NME9: variants seen among roughly 807,000 people sequenced by gnomAD.
NME9 encodes the protein NME/NM23 family member 9, also known as thioredoxin domain-containing protein 6.
A neutral mutation model predicts 44.4 loss-of-function variants in NME9; 48 were observed. The observed-to-expected ratio is 1.08, with a 90% confidence interval of 0.86 to 1.37. The LOEUF (loss-of-function observed/expected upper bound fraction) is 1.37, where lower values mean the gene tolerates loss of function less well. NME9 is among the 40% of genes most tolerant of loss of function. The pLI, the probability that NME9 is intolerant of heterozygous loss-of-function variation, is 0.00. For missense variants in NME9, 325 were observed against 405.2 expected (o/e 0.80, Z 1.70); for synonymous variants, 139 against 147.1 (o/e 0.94, Z 0.40).
At chr3:138,278,120 T>C (rs2049486828) in intron 8 of NME9, among the ~76,000 whole-genome samples, 1 of 152,172 alleles carries the variant, frequency 6.6e-6, no homozygotes, top group Admixed American at 6.5e-5. Flanking sequence ...AGGATTTGAC[T>C]ATAAAGGGAT....
chr3:138,296,779 G>A (rs2051527381), downstream of NME9: 1 of 152,210 alleles, frequency 6.6e-6, no homozygotes, highest in Non-Finnish European at 1.5e-5. Flanking sequence ...TATAACTACT[G>A]ATAGTGAAAG....
At chr3:138,264,137 G>A (rs1265650771) in intron 8 of NME9, 2 of 1,612,928 alleles carry the variant, frequency 1.2e-6, no homozygotes, top group Admixed American at 1.7e-5. Context: ...GTAGATGTTT[G>A]CACAGTTTAT....
chr3:138,263,395 C>T (rs1560009590), intron 8 of NME9: 6 of 236,514 alleles, frequency 2.5e-5, no homozygotes, highest in Non-Finnish European at 3.3e-5. Context: ...TGGAAGGAAC[C>T]TGCCCAATGA....
chr3:138,306,391 C>G lies in NME9; in HGVS notation c.543+7G>C. The G allele has an allele frequency of 1.2e-6, 2 of 1,602,406 alleles. No individual in the cohort carries two copies. Among genetic ancestry groups the G allele is most frequent in the Non-Finnish European group, 8.6e-7 (1 of 1,169,270 alleles). ...CAGTGGTGCATGGTAAGTGTTGTCT[C>G]TCTTACCTTCATGATAATCTCATCA... On this transcript the variant is annotated splice_region_variant and intron_variant, in intron 7 of 10. Coordinates refer to ENST00000333911, the MANE Select transcript of NME9 (RefSeq NM_001349018.2).
At chr3:138,328,686 A>C (rs2053943425) in intron 1 of NME9, among the ~76,000 whole-genome samples, 6 of 152,196 alleles carry the variant, frequency 3.9e-5, no homozygotes, top group Admixed American at 3.9e-4. Context: ...ATCACTTCAG[A>C]ATCAACCACT....
At chr3:138,316,177 C>T (rs923528408) in intron 4 of NME9, among the ~76,000 whole-genome samples, 1 of 152,126 alleles carries the variant, frequency 6.6e-6, no homozygotes, top group African/African-American at 2.4e-5. Flanking sequence ...TGATATCTAC[C>T]TTCTAGGCCA....
chr3:138,291,215 A>C (rs2050913083), intron 8 of NME9, among the ~76,000 whole-genome samples: 1 of 152,216 alleles, frequency 6.6e-6, no homozygotes, highest in Non-Finnish European at 1.5e-5. Context: ...ATAACAAATC[A>C]GGGAACATCA....
At chr3:138,325,902 G>T (rs1447987943) in intron 1 of NME9, among the ~76,000 whole-genome samples, 1 of 151,052 alleles carries the variant, frequency 6.6e-6, no homozygotes, top group Non-Finnish European at 1.5e-5. Context: ...ATCAAAATCA[G>T]GGGAAAAAAA....
At chr3:138,320,324 T>C (rs1290671399) in intron 2 of NME9, among the ~76,000 whole-genome samples, 3 of 152,112 alleles carry the variant, frequency 2.0e-5, no homozygotes, top group Non-Finnish European at 4.4e-5. Flanking sequence ...GGCTAGATGG[T>C]GACATACCAG....
At chr3:138,284,526 G>T in intron 8 of NME9, 1 of 1,604,176 alleles carries the variant, frequency 6.2e-7, no homozygotes, top group Non-Finnish European at 8.5e-7. Flanking sequence ...AGTATTACAT[G>T]GTGAGCCCTT....
chr3:138,327,753 G>C (rs922823849), intron 1 of NME9, among the ~76,000 whole-genome samples: 4 of 152,092 alleles, frequency 2.6e-5, no homozygotes, highest in Admixed American at 2.0e-4. Context: ...AAGACGGGAG[G>C]GGAGGCTGCT....
intron 8 of NME9, among the ~76,000 whole-genome samples, chr3:138,264,919 A>G (rs2048127806): frequency 6.7e-6 from 1 of 150,012 alleles, no homozygotes; most frequent in Admixed American, 6.6e-5. Flanking sequence ...TTAAATAGAC[A>G]CAGGGTCTCA....
chr3:138,300,209 G>A (rs1412997450), downstream of NME9, among the ~76,000 whole-genome samples: 1 of 152,182 alleles, frequency 6.6e-6, no homozygotes, highest in African/African-American at 2.4e-5. Flanking sequence ...CCATCCAGGG[G>A]TGGCACGAGG....
At chr3:138,267,812 T>A (rs993608974) in intron 8 of NME9, among the ~76,000 whole-genome samples, 1 of 152,242 alleles carries the variant, frequency 6.6e-6, no homozygotes, top group African/African-American at 2.4e-5. Context: ...AGTTTTATTA[T>A]GTCATAATAC....
intron 8 of NME9, among the ~76,000 whole-genome samples, chr3:138,267,791 C>T (rs1217092744): frequency 2.0e-5 from 3 of 151,850 alleles, no homozygotes; most frequent in Non-Finnish European, 4.4e-5. Context: ...AGGGGAAAAC[C>T]TTATACAGTT....
intron 8 of NME9, chr3:138,264,285 T>C: frequency 8.5e-7 from 1 of 1,175,080 alleles, no homozygotes; most frequent in Non-Finnish European, 1.3e-6. Flanking sequence ...CTAACACTAC[T>C]CCCTGGTCTA....
At chr3:138,262,724 A>G in intron 8 of NME9, 1 of 886,972 alleles carries the variant, frequency 1.1e-6, no homozygotes, top group Non-Finnish European at 1.6e-6. Flanking sequence ...TGCAAGGACA[A>G]CCAAGGTTAA....
At chr3:138,318,690 A>G (rs994462955) in intron 3 of NME9, among the ~76,000 whole-genome samples, 2 of 152,122 alleles carry the variant, frequency 1.3e-5, no homozygotes, top group African/African-American at 4.8e-5. Context: ...GATTATTGTA[A>G]GTTATATTTT....
chr3:138,292,083 G>A (rs2051005441), intron 8 of NME9, among the ~76,000 whole-genome samples: 1 of 151,892 alleles, frequency 6.6e-6, no homozygotes, highest in Admixed American at 6.6e-5. Flanking sequence ...TGTTGCCCAG[G>A]CTGGAGTGCA....
Sources: gnomAD v4.1 joint callset for allele counts (sites outside exome capture counted in the v4.1 genomes callset) on GRCh38, gnomAD v4.1.1 for gene constraint, MANE v1.5 for transcripts, NCBI Gene and HGNC (gene_info 2026-07-23, HGNC 2026-07-21) for gene names.